FBN3: variants seen among roughly 807,000 people sequenced by gnomAD.
FBN3 encodes fibrillin-3.
In FBN3, 234 loss-of-function variants were observed where a neutral mutation model predicts 330.1. The observed-to-expected ratio is 0.71, with a 90% CI of 0.64 to 0.79. FBN3 has a LOEUF of 0.79. FBN3 is among the 30% of genes least tolerant of loss of function. FBN3 has a pLI of 0.00. For missense variants in FBN3, 3,606 were observed against 3,886.9 expected (o/e 0.93, Z 1.92); for synonymous variants, 1,458 against 1,517.3 (o/e 0.96, Z 0.91).
intron 12 of FBN3, 34 bp from the exon 13 acceptor site, chr19:8,136,120 C>T (rs1173012107): frequency 6.2e-7 from 1 of 1,611,704 alleles, no homozygotes. Context: ...TCAAGAGGTG[C>T]TCCCCACCCT....
chr19:8,109,249 C>T lies in FBN3; in HGVS notation c.4596G>A (p.Glu1532=), dbSNP rs375055096. ...CACTGGTGTTGGCCATAGGGCACAG[C>T]TCACAGGGATTGCCCCAAGCCCGGC... ...SLGRAWGNPC[E]LCPMANTTEY... The change falls in exon 36 of 64, where the codon GAG becomes GAA. Residue 1532 remains glutamate, a synonymous_variant. Transcript: ENST00000600128. The surrounding 1 kb of genome is among the most constrained non-coding windows in gnomAD (Gnocchi z 5.2). 3.7e-5 allele frequency: 60 copies of T among 1,614,142 alleles called. No homozygotes were observed. Among genetic ancestry groups the T allele is most frequent in the African/African-American group, 1.2e-4 (9 of 75,034 alleles).
Position 8,131,816 on chromosome 19 carries a change from G to A in FBN3, c.1728C>T (p.Cys576=). The part of the protein sequence containing the change: ...GGHYCMDIDE[C]QTPGICVNGH... The stretch of plus-strand genomic sequence containing the variant: ...CGTTCACGCAGATGCCGGGCGTCTG[G>A]CACTCGTCAATGTCTGCAGAAGCAG... The change falls in exon 15 of 64, where the codon TGC becomes TGT. Residue 576 remains cysteine (C), a synonymous_variant. Transcript: ENST00000600128. The surrounding 1 kb of genome is among the most constrained non-coding windows in gnomAD (Gnocchi z 4.5). 2 of 1,595,216 alleles carry A rather than the reference G, an allele frequency of 1.3e-6. 1 individual carries two copies. The highest frequency in any genetic ancestry group is 2.2e-5 in the South Asian group (2 of 89,462).
chr19:8,146,954 C>T, intron 3 of FBN3, 150 bp downstream of exon 3: 1 of 689,370 alleles, frequency 1.5e-6, no homozygotes, highest in South Asian at 1.8e-5. Context: ...TGGCCTGGAA[C>T]CCTGAGGACA....
chr19:8,087,039 G>C (rs778550239), intron 54 of FBN3, 38 bp downstream of exon 54: 3 of 1,587,432 alleles, frequency 1.9e-6, no homozygotes, highest in Non-Finnish European at 2.6e-6. Flanking sequence ...CCTTCCACAA[G>C]GAGTTTCCTG....
chr19:8,123,842 G>A lies in FBN3; in HGVS notation c.2898C>T (p.Cys966=). ...DPESLEFASL[C]PRGLGFASRD... The stretch of plus-strand genomic sequence containing the variant: ...GGCTGGCGAAGCCCAGCCCCCGCGG[G>A]CACAGGCTGGCGAACTCCAGAGACT... The change falls in exon 23 of 64, where the codon TGC becomes TGT. Residue 966 remains cysteine, a synonymous_variant. Coordinates refer to ENST00000600128, the MANE Select transcript of FBN3 (RefSeq NM_032447.5). 1 of 1,612,820 alleles carries A rather than the reference G, an allele frequency of 6.2e-7. No individual in the cohort carries two copies. The highest frequency in any genetic ancestry group is 8.5e-7 in the Non-Finnish European group (1 of 1,179,940).
At chr19:8,101,295 A>G (rs967203298) in intron 40 of FBN3, among the ~76,000 whole-genome samples, 1 of 152,060 alleles carries the variant, frequency 6.6e-6, no homozygotes, top group Non-Finnish European at 1.5e-5. Flanking sequence ...TGGTTTTTAA[A>G]GCCACCTAGT....
In FBN3 at chr19:8,121,090, G is replaced by C. The variant is rs1568424808; in HGVS notation, c.3211+168C>G. Reference sequence around the variant, plus strand: ...GGCCCCAGGTCTCTCTCCTAAGGACGAGGCCTCATGGAGCCCAGACTCACT... The same window carrying C: ...GGCCCCAGGTCTCTCTCCTAAGGACCAGGCCTCATGGAGCCCAGACTCACT... On this transcript the variant is annotated intron_variant, in intron 25 of 63. Transcript: ENST00000600128. The surrounding 1 kb of genome is among the most constrained non-coding windows in gnomAD (Gnocchi z 4.5). Among the ~76,000 whole-genome samples, 1 of 151,906 alleles carries C rather than the reference G, an allele frequency of 6.6e-6. No homozygotes were observed. The highest frequency in any genetic ancestry group is 1.5e-5 in the Non-Finnish European group (1 of 67,952).
intron 46 of FBN3, among the ~76,000 whole-genome samples, chr19:8,094,784 T>G (rs2082175595): frequency 6.6e-6 from 1 of 152,092 alleles, no homozygotes; most frequent in African/African-American, 2.4e-5. Context: ...GTGGGGCAGA[T>G]GGTGTCCAGT....
chr19:8,086,472 T>TTTTTTTG, intron 54 of FBN3, 147 bp from the exon 55 acceptor site: 1 of 303,094 alleles, frequency 3.3e-6, no homozygotes, highest in African/African-American at 2.3e-5. Flanking sequence ...ATTATTATTT[T>TTTTTTTG]TTGAGACAGA....
At chr19:8,100,044 C>A (rs970023695) in intron 41 of FBN3, among the ~76,000 whole-genome samples, 1 of 151,242 alleles carries the variant, frequency 6.6e-6, no homozygotes, top group East Asian at 1.9e-4. Flanking sequence ...AGCAATTTGA[C>A]ACAAACTGCA....
At chr19:8,128,836 T>A (rs906881928) in intron 18 of FBN3, among the ~76,000 whole-genome samples, 192 bp downstream of exon 18, 3 of 152,262 alleles carry the variant, frequency 2.0e-5, no homozygotes, top group Non-Finnish European at 2.9e-5. Flanking sequence ...TGTACACACC[T>A]CATGCAACAT....
chr19:8,091,801 G>T (rs963538081), intron 47 of FBN3, among the ~76,000 whole-genome samples: 1 of 152,174 alleles, frequency 6.6e-6, no homozygotes, highest in Non-Finnish European at 1.5e-5. Context: ...CCAGAGTAAA[G>T]GTCATGGTCA....
In FBN3 at chr19:8,112,118, C is replaced by G. The variant is rs748634248; in HGVS notation, c.3839-19G>C. ...TCCACATCTAAAGGGAGAGGAGGCA[C>G]GACGCCAAGACCCAGTCACAGAAGG... On this transcript the variant is annotated intron_variant, in intron 30 of 63. Coordinates refer to ENST00000600128, the MANE Select transcript of FBN3 (RefSeq NM_032447.5). 7 of 1,609,584 alleles carry G rather than the reference C, an allele frequency of 4.3e-6. No homozygotes were observed. The highest frequency in any genetic ancestry group is 1.1e-5 in the South Asian group (1 of 90,560).
Position 8,085,463 on chromosome 19 carries a change from G to A in FBN3, c.6987C>T (p.Gly2329=). Residue 2329 remains glycine (G), a synonymous_variant, in exon 56 of 64, where the codon GGC becomes GGT. Coordinates refer to ENST00000600128, the MANE Select transcript of FBN3 (RefSeq NM_032447.5). The stretch of plus-strand genomic sequence containing the variant: ...GCTCGCAGCGGGGCCCCCAGCCCCG[G>A]CCACCCCCACAGCAGCACTCGGCCC... ...VTRAECCCGG[G]RGWGPRCELC... The A allele has an allele frequency of 6.3e-7, 1 of 1,581,188 alleles. No individual in the cohort carries two copies. Among genetic ancestry groups the A allele is most frequent in the Non-Finnish European group, 8.6e-7 (1 of 1,164,696 alleles).
intron 29 of FBN3, among the ~76,000 whole-genome samples, chr19:8,115,852 T>C (rs1301680982): frequency 6.6e-6 from 1 of 151,662 alleles, no homozygotes; most frequent in Non-Finnish European, 1.5e-5. Flanking sequence ...CGTTTCACAG[T>C]GTACATTCCA....
At chr19:8,147,977 A>T (rs545122359) in intron 1 of FBN3, among the ~76,000 whole-genome samples, 27 of 151,940 alleles carry the variant, frequency 1.8e-4, no homozygotes, top group African/African-American at 6.3e-4. Flanking sequence ...TCCAGATGGG[A>T]GAGAGAGGAG....
At chr19:8,145,699 A>AAG (rs386388496) in intron 5 of FBN3, 144 bp downstream of exon 5, 23 of 546,938 alleles carry the variant, frequency 4.2e-5, no homozygotes, top group Non-Finnish European at 6.6e-5. Flanking sequence ...AAAAAAAAAA[A>AAG]AGAGACTGTG....
At position 8,129,360 on chromosome 19, in the gene FBN3, T is replaced by C. The variant is rs374295817; in HGVS notation, c.2050A>G (p.Asn684Asp). 5.8e-5 allele frequency: 93 copies of C among 1,613,858 alleles called. No homozygotes were observed. The highest frequency in any genetic ancestry group is 7.4e-5 in the Non-Finnish European group (87 of 1,179,938). Reference protein sequence around the residue: ...LGITTDGRDINECALDPEVCA... With the variant: ...LGITTDGRDIDECALDPEVCA... Reference sequence around the variant, plus strand: ...ACCTCAGGATCCAGAGCACACTCGTTGATGTCTGCGGCAGGAGGAGGGTGT... The same window carrying C: ...ACCTCAGGATCCAGAGCACACTCGTCGATGTCTGCGGCAGGAGGAGGGTGT... Residue 684 changes from asparagine (N) to aspartate (D), a missense_variant, in exon 17 of 64, where the codon AAC becomes GAC. By Grantham distance (23) the Asn-to-Asp change is conservative (BLOSUM62 1). Coordinates refer to ENST00000600128, the MANE Select transcript of FBN3 (RefSeq NM_032447.5). This position sits in a 1 kb window ranked among gnomAD's most constrained non-coding sequence, Gnocchi z 4.5.
chr19:8,135,935 T>TTGGGGGGGGGC, intron 13 of FBN3, 26 bp downstream of exon 13: 7 of 1,344,156 alleles, frequency 5.2e-6, no homozygotes, highest in Non-Finnish European at 7.1e-6. Flanking sequence ...CGGAAGCCCC[T>TTGGGGGGGGGC]GCCCACCCGC....
Sources: gnomAD v4.1 joint callset for allele counts (sites outside exome capture counted in the v4.1 genomes callset) on GRCh38, gnomAD v4.1.1 for gene constraint, Gnocchi (gnomAD v3.1) non-coding constraint, MANE v1.5 for transcripts, NCBI Gene and HGNC (gene_info 2026-07-23, HGNC 2026-07-21) for gene names.